NTRK2: variants seen among roughly 807,000 people sequenced by gnomAD.
The protein encoded by NTRK2 is BDNF/NT-3 growth factors receptor.
Under a neutral mutation model 94.5 loss-of-function variants are expected in NTRK2, and 13 were observed. The ratio of observed to expected loss-of-function variants is 0.14; its 90% CI spans 0.09 to 0.22. The LOEUF is 0.22. Among genes scored for constraint, NTRK2 ranks in the 10% least tolerant of loss-of-function variants. NTRK2 has a pLI of 1.00. For missense variants in NTRK2, 639 were observed against 1,071.2 expected, an observed-to-expected ratio of 0.60 and a Z score of 5.63; for synonymous variants, 372 against 407.4, an observed-to-expected ratio of 0.91 and a Z score of 1.05.
intron 14 of NTRK2, chr9:84,875,984 T>A: frequency 9.6e-7 from 1 of 1,036,562 alleles, no homozygotes; most frequent in Non-Finnish European, 1.2e-6. Context: ...CAGGGGGGAA[T>A]CCCAGAAAGA....
intron 14 of NTRK2, among the ~76,000 whole-genome samples, chr9:84,870,200 A>G (rs1357122705): frequency 1.4e-5 from 2 of 143,182 alleles, no homozygotes; most frequent in South Asian, 2.2e-4. Flanking sequence ...GTATATGTAC[A>G]TATACCTATA....
chr9:84,911,087 G>A (rs2077223335), intron 14 of NTRK2, among the ~76,000 whole-genome samples: 2 of 152,058 alleles, frequency 1.3e-5, no homozygotes, highest in Admixed American at 6.6e-5. Context: ...TTGTAGTTTT[G>A]AGTATGCAAA....
intron 12 of NTRK2, among the ~76,000 whole-genome samples, chr9:84,808,688 A>T (rs2071406165): frequency 6.6e-6 from 1 of 152,250 alleles, no homozygotes; most frequent in African/African-American, 2.4e-5. Flanking sequence ...AATCAGTGCT[A>T]CTGAGTACTT....
At chr9:84,975,499 C>T (rs1826727993) in intron 17 of NTRK2, among the ~76,000 whole-genome samples, 1 of 152,168 alleles carries the variant, frequency 6.6e-6, no homozygotes, top group Non-Finnish European at 1.5e-5. Flanking sequence ...TTTGCCATCA[C>T]ATTGGCGTTA....
chr9:84,891,326 C>T (rs1299226659), intron 14 of NTRK2, among the ~76,000 whole-genome samples: 1 of 128,140 alleles, frequency 7.8e-6, no homozygotes, highest in Non-Finnish European at 1.6e-5. Context: ...TTAAAATAGC[C>T]TAGATTCAAG....
At chr9:84,859,119 A>T (rs1338984109) in intron 12 of NTRK2, among the ~76,000 whole-genome samples, 1 of 152,206 alleles carries the variant, frequency 6.6e-6, no homozygotes, top group African/African-American at 2.4e-5. Flanking sequence ...TTTGCTTTGT[A>T]TCTGCAATTC....
chr9:84,768,050 C>T (rs927789997), intron 12 of NTRK2, among the ~76,000 whole-genome samples: 1 of 152,170 alleles, frequency 6.6e-6, no homozygotes, highest in African/African-American at 2.4e-5. Flanking sequence ...TGGATAATCC[C>T]ATTCATTGGC....
chr9:84,815,181 G>T, intron 12 of NTRK2: 1 of 1,057,048 alleles, frequency 9.5e-7, no homozygotes, highest in Non-Finnish European at 1.1e-6. Context: ...TGATTTTGAT[G>T]GTGAGGTAAC....
intron 14 of NTRK2, among the ~76,000 whole-genome samples, chr9:84,919,274 G>C (rs1243982559): frequency 6.6e-6 from 1 of 152,056 alleles, no homozygotes; most frequent in Non-Finnish European, 1.5e-5. Flanking sequence ...CTTCTTTCTT[G>C]AGTTCCTATC....
chr9:84,830,809 G>A (rs1395313160), intron 12 of NTRK2, among the ~76,000 whole-genome samples: 1 of 151,710 alleles, frequency 6.6e-6, no homozygotes, highest in Non-Finnish European at 1.5e-5. Flanking sequence ...AATCCTACTG[G>A]CATTGTATTT....
chr9:84,789,058 T>C (rs2068443260), intron 12 of NTRK2, among the ~76,000 whole-genome samples: 1 of 152,066 alleles, frequency 6.6e-6, no homozygotes, highest in Non-Finnish European at 1.5e-5. Context: ...ATTGAGAGGG[T>C]ATTTCAGAGG....
chr9:84,887,218 G>A (rs1340617122), intron 14 of NTRK2, among the ~76,000 whole-genome samples: 2 of 152,178 alleles, frequency 1.3e-5, no homozygotes, highest in African/African-American at 4.8e-5. Flanking sequence ...AATGTAAGGG[G>A]TTCTCGCAAA....
chr9:84,930,433 C>A (rs1394595743), intron 14 of NTRK2, among the ~76,000 whole-genome samples: 1 of 151,896 alleles, frequency 6.6e-6, no homozygotes, highest in East Asian at 1.9e-4. Context: ...GGTAATGGCT[C>A]CCTAAGATAG....
intron 2 of NTRK2, among the ~76,000 whole-genome samples, chr9:84,683,590 T>C (rs979509683): frequency 1.3e-5 from 2 of 152,198 alleles, no homozygotes; most frequent in Non-Finnish European, 2.9e-5. Flanking sequence ...CAGTCTATCA[T>C]TGATGGGCAT....
At chr9:84,923,115 AT>A (rs2077622068) in intron 14 of NTRK2, among the ~76,000 whole-genome samples, 1 of 152,114 alleles carries the variant, frequency 6.6e-6, no homozygotes. Flanking sequence ...CTTCTATGGA[AT>A]TGGGGTAGAG....
In NTRK2 at chr9:84,765,438, G is replaced by A. The variant is rs572535956; in HGVS notation, c.1396+13353G>A. The stretch of plus-strand genomic sequence containing the variant: ...TTTTGTGGCTGGTGGTAGCATCAAA[G>A]ACAGTGAGAGCTAGCAGCAGGTGAG... On this transcript the variant is annotated intron_variant, in intron 12 of 18. Transcript: ENST00000277120. Among the ~76,000 whole-genome samples, 4 of 152,302 alleles carry A rather than the reference G, an allele frequency of 2.6e-5. No homozygotes were observed. In the East Asian group the frequency reaches 7.7e-4, roughly 29 times the overall value.
At chr9:84,858,535 C>T (rs973846548) in intron 12 of NTRK2, among the ~76,000 whole-genome samples, 1 of 151,990 alleles carries the variant, frequency 6.6e-6, no homozygotes, top group Non-Finnish European at 1.5e-5. Context: ...TTCCTCTGCT[C>T]TTTCCCATTC....
intron 2 of NTRK2, among the ~76,000 whole-genome samples, chr9:84,683,041 C>G (rs1375805415): frequency 6.6e-6 from 1 of 152,150 alleles, no homozygotes; most frequent in African/African-American, 2.4e-5. Context: ...TCATCCCACC[C>G]TAATGATGTA....
chr9:84,904,364 A>G (rs888502700), intron 14 of NTRK2, among the ~76,000 whole-genome samples: 5 of 152,220 alleles, frequency 3.3e-5, no homozygotes, highest in Admixed American at 1.3e-4. Flanking sequence ...TTCTTCAAGC[A>G]TGACTTTTAA....
Sources: allele counts gnomAD v4.1 joint callset (sites outside exome capture counted in the v4.1 genomes callset), GRCh38; gene constraint gnomAD v4.1.1; transcripts MANE v1.5; gene names NCBI Gene and HGNC (gene_info 2026-07-23, HGNC 2026-07-21).